APBB2: variants seen among roughly 807,000 people sequenced by gnomAD.
APBB2 encodes Fe65-like 1.
Under a neutral mutation model 82.5 loss-of-function variants are expected in APBB2, and 38 were observed. The observed-to-expected ratio is 0.46, with a 90% confidence interval of 0.36 to 0.60. The LOEUF (loss-of-function observed/expected upper bound fraction) is 0.60. Ranked by LOEUF, APBB2 falls within the 20% of genes least tolerant of loss-of-function variation. APBB2 has a pLI of 0.00. For missense variants in APBB2, 772 were observed against 972.3 expected (o/e 0.79, Z 2.74); for synonymous variants, 341 against 368.2 (o/e 0.93, Z 0.85).
intron 12 of APBB2, among the ~76,000 whole-genome samples, chr4:40,885,469 G>A (rs1248415686): frequency 6.6e-6 from 1 of 152,194 alleles, no homozygotes; most frequent in African/African-American, 2.4e-5. Flanking sequence ...TAAATTACCT[G>A]TTGTGACTGT....
At chr4:41,093,293 C>G (rs890129917) in intron 3 of APBB2, among the ~76,000 whole-genome samples, 2 of 152,188 alleles carry the variant, frequency 1.3e-5, no homozygotes, top group Non-Finnish European at 2.9e-5. Context: ...TCAGTAGTTA[C>G]AAGAGCACGT....
chr4:40,942,678 G>A (rs1223844955), intron 7 of APBB2, among the ~76,000 whole-genome samples: 1 of 152,274 alleles, frequency 6.6e-6, no homozygotes, highest in South Asian at 2.1e-4. Flanking sequence ...AGGGCAGGAG[G>A]TGCCAAGGGT....
chr4:41,191,025 T>C (rs991981651), intron 1 of APBB2, among the ~76,000 whole-genome samples: 3 of 152,114 alleles, frequency 2.0e-5, no homozygotes, highest in South Asian at 2.1e-4. Context: ...ATCGATTCAA[T>C]TCTCTCTGAG....
At chr4:41,151,777 T>A (rs927560135) in intron 1 of APBB2, among the ~76,000 whole-genome samples, 12 of 151,946 alleles carry the variant, frequency 7.9e-5, no homozygotes, top group African/African-American at 2.9e-4. Context: ...GGTCTTCTTT[T>A]TTTTTTTTAA....
chr4:41,086,358 A>G (rs1304507428), intron 3 of APBB2, among the ~76,000 whole-genome samples: 1 of 152,202 alleles, frequency 6.6e-6, no homozygotes, highest in Non-Finnish European at 1.5e-5. Flanking sequence ...ATTACGCTTT[A>G]AAAATAAGAA....
At chr4:41,068,939 G>A (rs533262466) in intron 3 of APBB2, among the ~76,000 whole-genome samples, 4 of 152,152 alleles carry the variant, frequency 2.6e-5, no homozygotes, top group Non-Finnish European at 4.4e-5. Context: ...GGGATTACAG[G>A]CACATGCCAC....
At chr4:41,174,339 C>T (rs761061405) in intron 1 of APBB2, among the ~76,000 whole-genome samples, 2 of 152,142 alleles carry the variant, frequency 1.3e-5, no homozygotes, top group African/African-American at 4.8e-5. Context: ...CTCAAGAAAG[C>T]TATAAACCTG....
At chr4:41,136,462 T>C (rs890698125) in intron 2 of APBB2, among the ~76,000 whole-genome samples, 2 of 152,218 alleles carry the variant, frequency 1.3e-5, no homozygotes, top group Admixed American at 6.5e-5. Context: ...TGTTGCTCTA[T>C]GGATATGTTT....
chr4:41,144,662 G>C (rs560853992), intron 1 of APBB2, among the ~76,000 whole-genome samples: 2 of 152,238 alleles, frequency 1.3e-5, no homozygotes, highest in Non-Finnish European at 2.9e-5. Context: ...CAAAACCCAA[G>C]TGTCCAGTAA....
intron 6 of APBB2, among the ~76,000 whole-genome samples, chr4:40,981,316 G>A (rs1798417008): frequency 6.6e-6 from 1 of 151,908 alleles, no homozygotes; most frequent in South Asian, 2.1e-4. Flanking sequence ...GGCAAGTGGA[G>A]GTTTACAGTG....
chr4:41,020,052 GAGAA>G (rs1342745573), intron 5 of APBB2, among the ~76,000 whole-genome samples: 2 of 152,176 alleles, frequency 1.3e-5, no homozygotes, highest in Non-Finnish European at 2.9e-5. Flanking sequence ...AGGAGTCAGA[GAGAA>G]AGAGACAGAA....
At chr4:40,927,798 G>C (rs762080526) in intron 10 of APBB2, among the ~76,000 whole-genome samples, 6 of 152,130 alleles carry the variant, frequency 3.9e-5, no homozygotes, top group Non-Finnish European at 7.4e-5. Flanking sequence ...CTTCTTTAAA[G>C]ATGTAATTTT....
chr4:40,943,810 G>A (rs1787652958), intron 7 of APBB2, among the ~76,000 whole-genome samples: 1 of 152,220 alleles, frequency 6.6e-6, no homozygotes, highest in South Asian at 2.1e-4. Flanking sequence ...GCCTACCAAT[G>A]AGGGTATGGC....
intron 12 of APBB2, chr4:40,881,123 G>GT (rs1768356428): frequency 1.0e-6 from 1 of 985,302 alleles, no homozygotes; most frequent in Admixed American, 6.2e-5. Flanking sequence ...GAACCACAGT[G>GT]TAAGTCAGCA....
At chr4:41,023,106 A>G (rs1317013364) in intron 5 of APBB2, among the ~76,000 whole-genome samples, 14 of 152,246 alleles carry the variant, frequency 9.2e-5, no homozygotes, top group Non-Finnish European at 1.5e-4. Flanking sequence ...AGGAATATTT[A>G]GAGTCAAAAG....
intron 1 of APBB2, among the ~76,000 whole-genome samples, chr4:41,159,964 A>AAGGAGAAGG (rs1491163453): frequency 1.7e-5 from 1 of 58,492 alleles, no homozygotes; most frequent in African/African-American, 7.7e-5. Flanking sequence ...GGAGAAGGAG[A>AAGGAGAAGG]AGAAGAAGAA....
intron 1 of APBB2, among the ~76,000 whole-genome samples, chr4:41,149,442 T>A (rs2154026514): frequency 6.6e-6 from 1 of 151,648 alleles, no homozygotes; most frequent in South Asian, 2.1e-4. Context: ...GTACAAAAAA[T>A]TCAATATGGG....
At chr4:40,857,092 G>T (rs1397825154) in intron 12 of APBB2, 2 of 985,484 alleles carry the variant, frequency 2.0e-6, no homozygotes, top group Non-Finnish European at 1.2e-6. Context: ...AAGCCCCAGG[G>T]TGCCGGCACC....
intron 10 of APBB2, among the ~76,000 whole-genome samples, chr4:40,911,700 C>T (rs1458773911): frequency 6.6e-6 from 1 of 152,198 alleles, no homozygotes; most frequent in Non-Finnish European, 1.5e-5. Flanking sequence ...GACACCTCAA[C>T]AGAGGTGCAT....
Sources: allele counts gnomAD v4.1 joint callset (sites outside exome capture counted in the v4.1 genomes callset), GRCh38; gene constraint gnomAD v4.1.1; transcripts MANE v1.5; gene names NCBI Gene and HGNC (gene_info 2026-07-23, HGNC 2026-07-21).